The following SPRR2F variants were observed in gnomAD, a reference collection of about 807,000 sequenced individuals.
SPRR2F encodes the protein small proline-rich protein 2F.
In SPRR2F, 2 loss-of-function variants were observed where a neutral mutation model predicts 0.8. The ratio of observed to expected loss-of-function variants is 2.52; its 90% CI spans 1.03 to 7.95. The LOEUF is 7.95. Ranked by LOEUF, SPRR2F falls within the 30% of genes most tolerant of loss-of-function variation. The probability of loss-of-function intolerance (pLI) is 0.04; values close to 1 mark genes in which losing one functional copy is unlikely to be tolerated. For missense variants in SPRR2F, 80 were observed against 85.8 expected, an observed-to-expected ratio of 0.93 and a Z score of 0.27; for synonymous variants, 39 against 33.4, an observed-to-expected ratio of 1.17 and a Z score of -0.58.
At chr1:153,119,361 G>A in the SPRR2F span, among the ~76,000 whole-genome samples, 7,984 of 152,248 alleles carry the variant, frequency 0.052, 651 homozygotes, top group East Asian at 0.36. Context: ...ACTTTACATG[G>A]AAGACACAAC....
rs1655612332 is a variant in SPRR2F at position 153,112,475 on chromosome 1, T to A, written c.*40A>T. On this transcript the variant is annotated 3_prime_UTR_variant, in exon 2 of 2. Transcript: ENST00000468739. ...GAGCTGTGGAACGAGGTGAGCCAATTATCCTTATCCTTTCATGCTCCTGAT... is the reference window on the plus strand; with the variant it reads ...GAGCTGTGGAACGAGGTGAGCCAATAATCCTTATCCTTTCATGCTCCTGAT... The A allele has an allele frequency of 6.3e-7, 1 of 1,587,058 alleles. No individual in the cohort carries two copies. The highest frequency in any genetic ancestry group is 2.2e-5 in the East Asian group (1 of 44,668).
the SPRR2F span, among the ~76,000 whole-genome samples, chr1:153,118,629 A>AT: frequency 6.6e-6 from 1 of 152,144 alleles, no homozygotes; most frequent in African/African-American, 2.4e-5. Context: ...TGTACTTAAA[A>AT]AATGAGGGCG....
At chr1:153,112,821 A>G in intron 1 of SPRR2F, 69 bp from the exon 2 acceptor site, 1 of 1,594,714 alleles carries the variant, frequency 6.3e-7, no homozygotes, top group Non-Finnish European at 8.5e-7. Flanking sequence ...AAGCTTATGT[A>G]ATACCATGGC....
At chr1:153,114,398 A>G (rs1029041609), upstream of SPRR2F, among the ~76,000 whole-genome samples, 3 of 152,174 alleles carry the variant, frequency 2.0e-5, no homozygotes, top group Non-Finnish European at 4.4e-5. Context: ...GAGAGACATG[A>G]AACAAAATTA....
At chr1:153,116,517 A>T (rs1655724377), upstream of SPRR2F, among the ~76,000 whole-genome samples, 1 of 152,190 alleles carries the variant, frequency 6.6e-6, no homozygotes, top group African/African-American at 2.4e-5. Flanking sequence ...AATTAGTGAG[A>T]TAATGATCTT....
chr1:153,115,811 T>C (rs1169152343), upstream of SPRR2F, among the ~76,000 whole-genome samples: 1 of 152,224 alleles, frequency 6.6e-6, no homozygotes, highest in African/African-American at 2.4e-5. Context: ...GAAGTTAGCT[T>C]TATGTTCTTT....
chr1:153,112,656 T>C lies in SPRR2F; in HGVS notation c.78A>G (p.Pro26=), dbSNP rs1655622372. The C allele has an allele frequency of 6.2e-7, 1 of 1,612,346 alleles. No homozygotes were observed. Among genetic ancestry groups the C allele is most frequent in the African/African-American group, 1.3e-5 (1 of 74,820 alleles). ...GCTCAGGGCACTTCGGGGGTGGACA[T>C]GGCTCTGGGCACTTTGGCGCGGGGC... ...PVCPAPKCPE[P]CPPPKCPEPC... The change falls in exon 2 of 2, where the codon CCA becomes CCG. Residue 26 remains proline (P), a synonymous_variant. Transcript: ENST00000468739.
rs1445419264 is a variant in SPRR2F, at chr1:153,112,727, A to G, written c.7T>C (p.Tyr3His). 1.2e-6 allele frequency: 2 copies of G among 1,611,726 alleles called. No homozygotes were observed. Among genetic ancestry groups the G allele is most frequent in the African/African-American group, 2.7e-5 (2 of 74,846 alleles). Residue 3 changes from tyrosine to histidine, a missense_variant, in exon 2 of 2, where the codon TAT (tyrosine) becomes CAT (histidine). Transcript: ENST00000468739. The part of the protein sequence containing the change: MS[Y>H]QQQQCKQPCQ... Reference sequence around the variant, plus strand: ...GGCTGCTTGCACTGCTGCTGTTGATAAGACATCCTGCTGGAGTCTCAGAAT... The same window carrying G: ...GGCTGCTTGCACTGCTGCTGTTGATGAGACATCCTGCTGGAGTCTCAGAAT...
rs1387245592 is a variant in SPRR2F at position 153,112,539 on chromosome 1, T to G, written c.195A>C (p.Pro65=). Residue 65 remains proline, a synonymous_variant, in exon 2 of 2, where the codon CCA becomes CCC. Coordinates refer to ENST00000468739, the MANE Select transcript of SPRR2F (RefSeq NM_001014450.3). ...PPVTPSPPCQ[P]KCPPKSK is the part of the protein sequence containing the mutation. ...GTTACTTGCTCTTGGGTGGACACTT[T>G]GGCTGGCAGGGTGGGGAAGGTGTCA... The G allele has an allele frequency of 6.2e-7, 1 of 1,612,678 alleles. No individual in the cohort carries two copies. The highest frequency in any genetic ancestry group is 1.3e-5 in the African/African-American group (1 of 74,854).
chr1:153,117,186 G>T (rs1031071232), upstream of SPRR2F, among the ~76,000 whole-genome samples: 4 of 152,020 alleles, frequency 2.6e-5, no homozygotes, highest in African/African-American at 9.7e-5. Flanking sequence ...TTTGAATGAG[G>T]TGTGGTGAAA....
chr1:153,113,863 T>C (rs1655657892), upstream of SPRR2F, among the ~76,000 whole-genome samples: 1 of 152,056 alleles, frequency 6.6e-6, no homozygotes, highest in Admixed American at 6.6e-5. Flanking sequence ...AAACTTCCTG[T>C]CCTGATCCAC....
At chr1:153,117,912 C>T (rs112684724), upstream of SPRR2F, among the ~76,000 whole-genome samples, 1,241 of 152,058 alleles carry the variant, frequency 8.2e-3, 16 homozygotes, top group African/African-American at 0.028. Flanking sequence ...TAAACTCTAA[C>T]ATAGAAGAGG....
chr1:153,118,277 GCAAATTGATAAGTAA>G (rs2101633785), upstream of SPRR2F, among the ~76,000 whole-genome samples: 1 of 152,122 alleles, frequency 6.6e-6, no homozygotes, highest in South Asian at 2.1e-4. Context: ...AATTTTAAAT[GCAAATTGATAAGTAA>G]CAGAAGGCCG....
chr1:153,118,226 C>A (rs555333612), upstream of SPRR2F, among the ~76,000 whole-genome samples: 1 of 152,034 alleles, frequency 6.6e-6, no homozygotes, highest in East Asian at 1.9e-4. Flanking sequence ...TGTACAGTGA[C>A]AAAATGGAAT....
At chr1:153,116,023 T>C (rs1655716442), upstream of SPRR2F, among the ~76,000 whole-genome samples, 1 of 152,192 alleles carries the variant, frequency 6.6e-6, no homozygotes. Context: ...TCCTGGCAAA[T>C]TAATATTCTG....
At chr1:153,115,712 G>GTCTA (rs138967332), upstream of SPRR2F, among the ~76,000 whole-genome samples, 108 of 152,040 alleles carry the variant, frequency 7.1e-4, no homozygotes, top group African/African-American at 1.9e-3. Flanking sequence ...ATGGGTGTGT[G>GTCTA]TCTATCTATC....
chr1:153,115,838 T>C (rs1474100238), upstream of SPRR2F, among the ~76,000 whole-genome samples: 1 of 152,208 alleles, frequency 6.6e-6, no homozygotes, highest in Non-Finnish European at 1.5e-5. Flanking sequence ...CTGATAGCCT[T>C]AGGTCCATTT....
At chr1:153,117,461 T>G (rs1655740031), upstream of SPRR2F, among the ~76,000 whole-genome samples, 1 of 152,046 alleles carries the variant, frequency 6.6e-6, no homozygotes, top group Admixed American at 6.5e-5. Context: ...TCTAATCTAG[T>G]TTACTATTAC....
chr1:153,112,614 C>T lies in SPRR2F; in HGVS notation c.120G>A (p.Lys40=), dbSNP rs1553229663. Residue 40 remains lysine, a synonymous_variant, in exon 2 of 2, where the codon AAG becomes AAA. Coordinates refer to ENST00000468739, the MANE Select transcript of SPRR2F (RefSeq NM_001014450.3). The part of the protein sequence containing the change: ...PKCPEPCPPS[K]CPQSCPPQQC... ...GCTGAGGTGGGCAGGACTGTGGACA[C>T]TTTGATGGTGGGCAGGGCTCAGGGC... The T allele has an allele frequency of 3.1e-5, 50 of 1,612,624 alleles. No homozygotes were observed. The highest frequency in any genetic ancestry group is 4.0e-5 in the Non-Finnish European group (47 of 1,179,858).
Sources: gnomAD v4.1 joint callset for allele counts (sites outside exome capture counted in the v4.1 genomes callset) on GRCh38, gnomAD v4.1.1 for gene constraint, MANE v1.5 for transcripts, NCBI Gene and HGNC (gene_info 2026-07-23, HGNC 2026-07-21) for gene names.